Variants in PODNL1 observed in about 807,000 individuals in gnomAD.
PODNL1 encodes the protein podocan like 1.
PODNL1 carries 50 observed loss-of-function variants against 45.1 expected under a neutral mutation model. The observed-to-expected ratio is 1.11, with a 90% CI of 0.88 to 1.40. The LOEUF (loss-of-function observed/expected upper bound fraction) is 1.40, where lower values mean the gene tolerates loss of function less well. PODNL1 is among the 40% of genes most tolerant of loss of function. The probability of loss-of-function intolerance (pLI) is 0.00; values close to 1 mark genes in which losing one functional copy is unlikely to be tolerated. For synonymous variants in PODNL1, 406 were observed against 372.5 expected (o/e 1.09, Z -1.04); for missense variants, 788 against 793.3 (o/e 0.99, Z 0.08).
upstream of PODNL1, among the ~76,000 whole-genome samples, chr19:13,939,475 G>A (rs996356688): frequency 5.9e-5 from 9 of 151,936 alleles, no homozygotes; most frequent in Admixed American, 1.3e-4. Flanking sequence ...GCCTCCCAAA[G>A]TGCTCGGATT....
At chr19:13,939,204 ATC>A (rs1418812196), upstream of PODNL1, among the ~76,000 whole-genome samples, 1 of 151,862 alleles carries the variant, frequency 6.6e-6, no homozygotes, top group East Asian at 1.9e-4. Context: ...AGACAGGAGG[ATC>A]TCTCTTTTGT....
chr19:13,938,442 C>T, upstream of PODNL1: 1 of 1,286,372 alleles, frequency 7.8e-7, no homozygotes, highest in Non-Finnish European at 9.8e-7. Flanking sequence ...CCCCAACAAC[C>T]ACCCCATCTC....
At chr19:13,943,332 C>A (rs577640701), upstream of PODNL1, among the ~76,000 whole-genome samples, 1 of 152,112 alleles carries the variant, frequency 6.6e-6, no homozygotes, top group East Asian at 1.9e-4. Flanking sequence ...AAAAGGAATG[C>A]ATTCACAGTT....
chr19:13,952,433 C>T (rs1379836962), intron 1 of PODNL1: 5 of 1,240,724 alleles, frequency 4.0e-6, no homozygotes, highest in African/African-American at 1.6e-5. Context: ...GGGCCGCTGT[C>T]CCGAAAAAGG....
rs561317596 is a variant in PODNL1, at chr19:13,934,271, C to G, written c.634G>C (p.Glu212Gln). 2.1e-5 allele frequency: 32 copies of G among 1,516,064 alleles called. No individual in the cohort carries two copies. In the South Asian group the frequency reaches 4.1e-4, roughly 20 times the overall value. 93.9% of individuals were successfully genotyped at this position (1,516,064 alleles called of 1,614,324 possible). Residue 212 changes from glutamate to glutamine, a missense_variant, in exon 6 of 10, where the codon GAG becomes CAG. By Grantham distance (29) the Glu-to-Gln change is conservative. Transcript: ENST00000588872. Reference protein sequence around the residue: ...YLPPSLPPSLERLHLQNNLIS... With the variant: ...YLPPSLPPSLQRLHLQNNLIS... ...AGGGCTACCTGCAGGTGGAGCCGCT[C>G]GAGTGAGGGCGGCAGGCTGGGCGGC...
rs1240717668 is a variant in PODNL1 at position 13,933,231 on chromosome 19, C to T, written c.992G>A (p.Gly331Asp). The change falls in exon 8 of 10, where the codon GGC (glycine) becomes GAC (aspartate). Residue 331 changes from glycine (G) to aspartate (D), a missense_variant. By Grantham distance (94) the Gly-to-Asp change is moderately conservative. Around this residue, in one of 3 missense-constraint regions of PODNL1, gnomAD observed 762 missense variants for 750.9 expected, o/e 1.01. Coordinates refer to ENST00000588872, the MANE Select transcript of PODNL1 (RefSeq NM_001370095.3). The surrounding 1 kb of genome is among the most constrained non-coding windows in gnomAD (Gnocchi z 5.2). ...GCCATAGAGGTGCAGCGTGTGCAGG[C>T]CCCGCAGCGGCCGCAGAGCCCCGGC... ...LPAGALRPLR[G>D]LHTLHLYGNG... 2 of 1,540,622 alleles carry T rather than the reference C, an allele frequency of 1.3e-6. No homozygotes were observed. Among genetic ancestry groups the T allele is most frequent in the Admixed American group, 3.9e-5 (2 of 51,162 alleles).
At chr19:13,935,643 C>T in intron 5 of PODNL1, 78 bp downstream of exon 5, 1 of 1,151,610 alleles carries the variant, frequency 8.7e-7, no homozygotes, top group Non-Finnish European at 1.2e-6. Flanking sequence ...AAGGTCTTAA[C>T]TCCCTCATTG....
intron 1 of PODNL1, among the ~76,000 whole-genome samples, chr19:13,946,622 T>A (rs1224144785): frequency 6.6e-6 from 1 of 152,102 alleles, no homozygotes; most frequent in Non-Finnish European, 1.5e-5. Context: ...CCCCATCCTG[T>A]TTTATGGCCC....
Position 13,933,210 on chromosome 19 carries a change from T to C in PODNL1, c.1013A>G (p.Tyr338Cys). 6.5e-7 allele frequency: 1 copy of C among 1,537,770 alleles called. No individual in the cohort carries two copies. The highest frequency in any genetic ancestry group is 8.7e-7 in the Non-Finnish European group (1 of 1,146,896). ...PLRGLHTLHL[Y>C]GNGLDRVPPA... Reference sequence around the variant, plus strand: ...AGGCACGCGGTCCAGCCCATTGCCATAGAGGTGCAGCGTGTGCAGGCCCCG... The same window carrying C: ...AGGCACGCGGTCCAGCCCATTGCCACAGAGGTGCAGCGTGTGCAGGCCCCG... The change falls in exon 8 of 10, where the codon TAT becomes TGT. Residue 338 changes from tyrosine to cysteine, a missense_variant. Physicochemically the swap from Tyr to Cys is radical, Grantham distance 194 (BLOSUM62 -2). Around this residue, in one of 3 missense-constraint regions of PODNL1, gnomAD observed 762 missense variants for 750.9 expected, o/e 1.01. Transcript: ENST00000588872. The surrounding 1 kb of genome is among the most constrained non-coding windows in gnomAD (Gnocchi z 5.2).
rs778885063 is a variant in PODNL1, at chr19:13,931,858, G to T, written c.1604C>A (p.Ala535Glu). ...TGGGAGCCCCAGGAAGGCCTCAGCCGCGATGCTCGTCATGTGAAGCCTGTT... is the reference window on the plus strand; with the variant it reads ...TGGGAGCCCCAGGAAGGCCTCAGCCTCGATGCTCGTCATGTGAAGCCTGTT... ...RANRLHMTSI[A>E]AEAFLGLPNL... Residue 535 changes from alanine (A) to glutamate (E), a missense_variant, in exon 10 of 10, where the codon GCG (alanine) becomes GAG (glutamate). Physicochemically the swap from Ala to Glu is moderately radical, Grantham distance 107. This residue lies in a region of PODNL1 where 762 missense variants were observed against 750.9 expected (regional missense o/e 1.01). Coordinates refer to ENST00000588872, the MANE Select transcript of PODNL1 (RefSeq NM_001370095.3). 8.1e-7 allele frequency: 1 copy of T among 1,231,956 alleles called. No individual in the cohort carries two copies. The highest frequency in any genetic ancestry group is 1.0e-6 in the Non-Finnish European group (1 of 987,920). 76.3% of individuals were successfully genotyped at this position (1,231,956 alleles called of 1,614,324 possible).
Position 13,933,976 on chromosome 19 carries a change from C to T in PODNL1, c.669G>A (p.Lys223=). 1 of 1,608,306 alleles carries T rather than the reference C, an allele frequency of 6.2e-7. No individual in the cohort carries two copies. Among genetic ancestry groups the T allele is most frequent in the Non-Finnish European group, 8.5e-7 (1 of 1,177,450 alleles). The change falls in exon 7 of 10, where the codon AAG becomes AAA. Residue 223 remains lysine (K), a synonymous_variant. Coordinates refer to ENST00000588872, the MANE Select transcript of PODNL1 (RefSeq NM_001370095.3). This position sits in a 1 kb window ranked among gnomAD's most constrained non-coding sequence, Gnocchi z 5.2. ...GGCGGCTCAGGGCTCCTCGGGGCAC[C>T]TTGGAGATGAGATTGTTCTGGAGAA... ...RLHLQNNLIS[K]VPRGALSRQT...
At chr19:13,944,486 GTC>G (rs1265450405) in intron 1 of PODNL1, among the ~76,000 whole-genome samples, 7 of 142,558 alleles carry the variant, frequency 4.9e-5, no homozygotes, top group African/African-American at 1.8e-4. Flanking sequence ...TTGAGACAAA[GTC>G]TCTCTGTTGC....
chr19:13,934,976 A>G (rs1972241727), intron 5 of PODNL1, among the ~76,000 whole-genome samples: 1 of 150,616 alleles, frequency 6.6e-6, no homozygotes, highest in Non-Finnish European at 1.5e-5. Flanking sequence ...TTGTGTGTGC[A>G]TGTGATTGCG....
At position 13,938,304 on chromosome 19, in the gene PODNL1, C is replaced by T; in HGVS notation, c.-123G>A. 2.0e-6 allele frequency: 3 copies of T among 1,465,288 alleles called. No individual in the cohort carries two copies. Among genetic ancestry groups the T allele is most frequent in the Admixed American group, 5.0e-5 (2 of 39,756 alleles). 90.8% of individuals were successfully genotyped at this position (1,465,288 alleles called of 1,614,324 possible). A position where few individuals can be genotyped will look rare whatever the true frequency, so the allele number is the denominator to read the frequency against. On this transcript the variant is annotated 5_prime_UTR_variant, in exon 1 of 10. Transcript: ENST00000588872. ...CCGCCCCCCATCTCCAGACCCATGCCACCCCCCACAACAGCCTGTTCTCCC... is the reference window on the plus strand; with the variant it reads ...CCGCCCCCCATCTCCAGACCCATGCTACCCCCCACAACAGCCTGTTCTCCC...
At chr19:13,945,729 C>A (rs569392991) in intron 1 of PODNL1, among the ~76,000 whole-genome samples, 54 of 152,106 alleles carry the variant, frequency 3.6e-4, no homozygotes, top group African/African-American at 1.2e-3. Context: ...TTGTGATCCA[C>A]CCACCTCAGC....
chr19:13,937,965 C>A lies in PODNL1; in HGVS notation c.45G>T (p.Pro15=). 6.5e-7 allele frequency: 1 copy of A among 1,540,490 alleles called. No individual in the cohort carries two copies. The part of the protein sequence containing the change: ...LLLLLLLPGP[P]PVAGLEDAAF... The stretch of plus-strand genomic sequence containing the variant: ...CAGCGTCTTCCAAGCCGGCGACGGG[C>A]GGGGGCCCCGGCAACAGCAGGAGCA... The change falls in exon 2 of 10, where the codon CCG becomes CCT. Residue 15 remains proline (P), a synonymous_variant. Coordinates refer to ENST00000588872, the MANE Select transcript of PODNL1 (RefSeq NM_001370095.3).
intron 8 of PODNL1, chr19:13,932,499 C>T: frequency 1.5e-6 from 1 of 680,330 alleles, no homozygotes; most frequent in East Asian, 2.9e-5. Context: ...ATAGCTGGGA[C>T]TACAGGCATG....
In PODNL1 at chr19:13,933,856, C is replaced by G; in HGVS notation, c.767+22G>C. 6.4e-7 allele frequency: 1 copy of G among 1,568,636 alleles called. No homozygotes were observed. The highest frequency in any genetic ancestry group is 8.7e-7 in the Non-Finnish European group (1 of 1,154,974). On this transcript the variant is annotated intron_variant, in intron 7 of 9. Coordinates refer to ENST00000588872, the MANE Select transcript of PODNL1 (RefSeq NM_001370095.3). The surrounding 1 kb of genome is among the most constrained non-coding windows in gnomAD (Gnocchi z 5.2). ...CCCGACTGTAAATTCTCAGCCCCTG[C>G]TGCCCCCCAACCAGCCTGTACCTGA...
At chr19:13,940,368 G>A (rs1460390957), upstream of PODNL1, among the ~76,000 whole-genome samples, 9 of 145,082 alleles carry the variant, frequency 6.2e-5, no homozygotes, top group Admixed American at 2.8e-4. Flanking sequence ...TCAAGAGATC[G>A]AGACCATCCT....
Sources: allele counts gnomAD v4.1 joint callset (sites outside exome capture counted in the v4.1 genomes callset), GRCh38; gene constraint gnomAD v4.1.1; regional missense constraint gnomAD v4.1.1; non-coding constraint Gnocchi (gnomAD v3.1); transcripts MANE v1.5; gene names NCBI Gene and HGNC (gene_info 2026-07-23, HGNC 2026-07-21).